ALPK2: variants seen among roughly 807,000 people sequenced by gnomAD.
ALPK2 encodes the protein alpha kinase 2, also known as alpha-protein kinase 2.
In ALPK2, 127 loss-of-function variants were observed where a neutral mutation model predicts 163.1. The ratio of observed to expected loss-of-function variants is 0.78; its 90% CI spans 0.67 to 0.90. The LOEUF (loss-of-function observed/expected upper bound fraction) is 0.90. Ranked by LOEUF, ALPK2 falls within the 40% of genes least tolerant of loss-of-function variation. The pLI is 0.00. For missense variants in ALPK2, 2,360 were observed against 2,589.6 expected (o/e 0.91, Z 1.92); for synonymous variants, 953 against 959.1 (o/e 0.99, Z 0.12).
chr18:58,605,862 T>C (rs1218058793), intron 3 of ALPK2, among the ~76,000 whole-genome samples: 1 of 152,174 alleles, frequency 6.6e-6, no homozygotes, highest in Non-Finnish European at 1.5e-5. Flanking sequence ...CATACCAGAG[T>C]TGACATTTTG....
rs763186080 is a variant in ALPK2, at chr18:58,611,811, A to G, written c.-14T>C. 4.0e-6 allele frequency: 6 copies of G among 1,492,786 alleles called. No homozygotes were observed. The African/African-American group carries it at 8.6e-5, about 21-fold the overall frequency. 92.5% of individuals were successfully genotyped at this position (1,492,786 alleles called of 1,614,324 possible). On this transcript the variant is annotated 5_prime_UTR_variant, in exon 2 of 13. Transcript: ENST00000361673. ...GGAGTCTTTCATCCTTTCATGCCGC[A>G]CCAAATCTGAAAAAAAAAAAAATCC...
At chr18:58,604,096 C>G (rs1044237018) in intron 3 of ALPK2, among the ~76,000 whole-genome samples, 2 of 152,160 alleles carry the variant, frequency 1.3e-5, no homozygotes, top group African/African-American at 4.8e-5. Context: ...AATCGCAGGG[C>G]TCTTAGCCTC....
Position 58,534,854 on chromosome 18 carries a change from G to T in ALPK2, c.5333C>A (p.Ser1778Tyr). ...TEEKQDPKKP[S>Y]CKREGRAPVL... ...CTCACCTCTTCCTTCTCTTTTGCAA[G>T]ATGGCTTTTTTGGGTCTTGTTTCTC... The change falls in exon 5 of 13, where the codon TCT (serine) becomes TAT (tyrosine). Residue 1778 changes from serine (S) to tyrosine (Y), a missense_variant. By Grantham distance (144) the Ser-to-Tyr change is moderately radical. Coordinates refer to ENST00000361673, the MANE Select transcript of ALPK2 (RefSeq NM_052947.4). The T allele has an allele frequency of 6.2e-7, 1 of 1,609,450 alleles. No individual in the cohort carries two copies.
intron 10 of ALPK2, 82 bp from the exon 11 acceptor site, chr18:58,504,230 GC>G: frequency 8.7e-7 from 1 of 1,148,600 alleles, no homozygotes; most frequent in Non-Finnish European, 1.3e-6. Flanking sequence ...CTCTCCTGGA[GC>G]AGCACGGAGC....
chr18:58,611,546 T>A, intron 2 of ALPK2, 143 bp downstream of exon 2: 1 of 714,188 alleles, frequency 1.4e-6, no homozygotes, highest in Admixed American at 2.6e-5. Flanking sequence ...TCATAGAGGA[T>A]GGAGTTGCTT....
chr18:58,515,634 G>T (rs776026393), intron 9 of ALPK2, among the ~76,000 whole-genome samples: 6 of 152,076 alleles, frequency 3.9e-5, no homozygotes, highest in African/African-American at 7.2e-5. Context: ...AGAGAGAAAA[G>T]AAAAAAGCAG....
chr18:58,512,944 GGT>G (rs559840664), intron 10 of ALPK2, among the ~76,000 whole-genome samples: 51 of 128,720 alleles, frequency 4.0e-4, no homozygotes, highest in African/African-American at 1.3e-3. Flanking sequence ...TGGGGTGTGT[GGT>G]GTGTGTGTTG....
At chr18:58,531,423 C>A (rs925047660) in intron 5 of ALPK2, among the ~76,000 whole-genome samples, 1 of 151,764 alleles carries the variant, frequency 6.6e-6, no homozygotes, top group African/African-American at 2.4e-5. Flanking sequence ...AAAGCAGTGA[C>A]GAGGACTCAG....
At chr18:58,552,511 G>A (rs1568083279) in intron 4 of ALPK2, among the ~76,000 whole-genome samples, 1 of 152,158 alleles carries the variant, frequency 6.6e-6, no homozygotes, top group Non-Finnish European at 1.5e-5. Flanking sequence ...AGAAGAGAAG[G>A]GACAAGTGTA....
At chr18:58,561,235 A>G (rs1298492944) in intron 4 of ALPK2, among the ~76,000 whole-genome samples, 1 of 152,230 alleles carries the variant, frequency 6.6e-6, no homozygotes, top group Non-Finnish European at 1.5e-5. Context: ...AAAGGCTCTA[A>G]AGTCAGTAAA....
chr18:58,588,842 G>A (rs1379712417), intron 3 of ALPK2, among the ~76,000 whole-genome samples: 1 of 152,140 alleles, frequency 6.6e-6, no homozygotes, highest in Non-Finnish European at 1.5e-5. Context: ...TTGTTGATGG[G>A]CATTTGGGTT....
At chr18:58,521,627 C>CTTTT (rs398033036) in intron 8 of ALPK2, among the ~76,000 whole-genome samples, 874 of 55,378 alleles carry the variant, frequency 0.016, 105 homozygotes, top group African/African-American at 0.047. Context: ...TTCTCTCTCT[C>CTTTT]TTTTTTTTTT....
intron 12 of ALPK2, among the ~76,000 whole-genome samples, chr18:58,484,144 G>C (rs2051326487): frequency 6.6e-6 from 1 of 152,112 alleles, no homozygotes; most frequent in African/African-American, 2.4e-5. Flanking sequence ...AAAAAGAGTG[G>C]GATGCTTTTA....
chr18:58,518,211 T>G (rs1399964824), intron 8 of ALPK2, among the ~76,000 whole-genome samples: 1 of 152,230 alleles, frequency 6.6e-6, no homozygotes, highest in Non-Finnish European at 1.5e-5. Flanking sequence ...TATACATGCT[T>G]CAGGAAATAT....
chr18:58,525,955 A>G (rs2051582070), intron 6 of ALPK2, among the ~76,000 whole-genome samples: 1 of 122,186 alleles, frequency 8.2e-6, no homozygotes, highest in Non-Finnish European at 1.7e-5. Flanking sequence ...TGGGGGATTC[A>G]ATGATGAAAA....
At chr18:58,564,482 G>C (rs2051841394) in intron 4 of ALPK2, among the ~76,000 whole-genome samples, 1 of 151,368 alleles carries the variant, frequency 6.6e-6, no homozygotes, top group South Asian at 2.1e-4. Context: ...TACATCACAA[G>C]TGCTTTTCTA....
At chr18:58,573,261 T>TGTGTATATATGTATATAA in intron 4 of ALPK2, among the ~76,000 whole-genome samples, 1 of 135,092 alleles carries the variant, frequency 7.4e-6, no homozygotes, top group South Asian at 2.3e-4. Context: ...TATGTATATA[T>TGTGTATATATGTATATAA]GTGTATATAT....
At chr18:58,540,834 A>G (rs1219553220) in intron 4 of ALPK2, among the ~76,000 whole-genome samples, 1 of 152,218 alleles carries the variant, frequency 6.6e-6, no homozygotes, top group Admixed American at 6.5e-5. Flanking sequence ...AATTTTTTCC[A>G]AAGGGCTTCA....
At position 58,481,707 on chromosome 18, in the gene ALPK2, G is replaced by T; in HGVS notation, c.*116C>A. ...AGCATCTTGGCGCACAGTCGGCTGG[G>T]AGTAAGGATTGCCACGCACTCTCTG... On this transcript the variant is annotated 3_prime_UTR_variant, in exon 13 of 13. Transcript: ENST00000361673. 1 of 791,558 alleles carries T rather than the reference G, an allele frequency of 1.3e-6. No individual in the cohort carries two copies. Among genetic ancestry groups the T allele is most frequent in the Non-Finnish European group, 2.1e-6 (1 of 475,790 alleles). 49.0% of individuals were successfully genotyped at this position (791,558 alleles called of 1,614,324 possible). A position where few individuals can be genotyped will look rare whatever the true frequency, so the allele number is the denominator to read the frequency against.
Sources: gnomAD v4.1 joint callset for allele counts (sites outside exome capture counted in the v4.1 genomes callset) on GRCh38, gnomAD v4.1.1 for gene constraint, MANE v1.5 for transcripts, NCBI Gene and HGNC (gene_info 2026-07-23, HGNC 2026-07-21) for gene names.